KLHL13: variants seen among roughly 807,000 people sequenced by gnomAD.
KLHL13 encodes kelch like family member 13, also known as kelch-like protein 13.
Under a neutral mutation model 37.1 loss-of-function variants are expected in KLHL13, and 10 were observed. The ratio of observed to expected loss-of-function variants is 0.27; its 90% confidence interval spans 0.17 to 0.46. KLHL13 has a LOEUF of 0.46. KLHL13 is among the 20% of genes least tolerant of loss of function. The pLI, the probability that KLHL13 is intolerant of heterozygous loss-of-function variation, is 1.00. For missense variants in KLHL13, 360 were observed against 509.3 expected (o/e 0.71, Z 2.82); for synonymous variants, 163 against 181.2 (o/e 0.90, Z 0.81).
At chrX:118,074,391 C>G (rs1479214159) in intron 1 of KLHL13, among the ~76,000 whole-genome samples, 1 of 111,728 alleles carries the variant, frequency 9.0e-6, no homozygotes, top group East Asian at 2.8e-4. Context: ...TTGGCCTCAT[C>G]CTGCTGTGGG....
chrX:118,114,452 C>T (rs778259611), intron 1 of KLHL13, among the ~76,000 whole-genome samples: 11 of 112,224 alleles, frequency 9.8e-5, no homozygotes, highest in African/African-American at 2.9e-4. Flanking sequence ...AATAGTCTTA[C>T]TATGCAATCA....
At chrX:117,927,092 C>T (rs1192515023) in intron 2 of KLHL13, among the ~76,000 whole-genome samples, 4 of 107,609 alleles carry the variant, frequency 3.7e-5, no homozygotes, top group Non-Finnish European at 5.8e-5. Flanking sequence ...TTAGTAAAGA[C>T]GGGGTTTCAC....
intron 1 of KLHL13, among the ~76,000 whole-genome samples, chrX:117,964,776 G>C (rs766303329): frequency 3.6e-5 from 4 of 110,136 alleles, no homozygotes; most frequent in Non-Finnish European, 5.7e-5. Flanking sequence ...TGTGATGTTC[G>C]CCTTCCTGTG....
chrX:117,940,603 T>C (rs1054214073), intron 2 of KLHL13, among the ~76,000 whole-genome samples: 14 of 111,808 alleles, frequency 1.3e-4, no homozygotes, highest in African/African-American at 3.6e-4. Context: ...TTTGTTTGTG[T>C]CCTCTCTTAT....
At chrX:117,910,127 T>C in intron 4 of KLHL13, 31 bp from the exon 6 acceptor site, 1 of 1,041,292 alleles carries the variant, frequency 9.6e-7, no homozygotes. Flanking sequence ...AATTAAAACA[T>C]GACTACTTTC....
At chrX:117,952,402 T>C (rs1486746989) in intron 1 of KLHL13, among the ~76,000 whole-genome samples, 1 of 109,292 alleles carries the variant, frequency 9.1e-6, no homozygotes, top group East Asian at 2.9e-4. Context: ...CAAAAATTAA[T>C]TCAAGATGGA....
chrX:118,069,148 C>CA lies in KLHL13; in HGVS notation c.-56+47359_-56+47360insT, dbSNP rs1298587418. Among the ~76,000 whole-genome samples the CA allele has an allele frequency of 1.3e-3, 141 of 108,610 alleles. 1 individual carries two copies. Among genetic ancestry groups the CA allele is most frequent in the African/African-American group, 4.6e-3 (136 of 29,636 alleles). The allele number at this position is 108,610 out of a possible 115,157, so 94.3% of individuals were successfully genotyped here. On this transcript the variant is annotated intron_variant, in intron 1 of 6. Transcript: ENST00000371882. ...ACACACACACACACACACACACACA[C>CA]CCTCACCTGAACTGAAACTGAAAAT... is the stretch of plus-strand genomic sequence containing the variant.
At chrX:117,987,692 C>CT (rs1462970944) in intron 1 of KLHL13, among the ~76,000 whole-genome samples, 4 of 111,974 alleles carry the variant, frequency 3.6e-5, no homozygotes, top group African/African-American at 1.3e-4. Context: ...CCATCTTAGT[C>CT]AACTGTTTTA....
intron 1 of KLHL13, among the ~76,000 whole-genome samples, chrX:118,068,075 T>C (rs1447907494): frequency 9.0e-6 from 1 of 111,695 alleles, no homozygotes; most frequent in East Asian, 2.8e-4. Context: ...CTGACTTCAC[T>C]AGGCAATAGG....
intron 4 of KLHL13, among the ~76,000 whole-genome samples, chrX:117,911,594 C>T (rs1602537927): frequency 8.9e-6 from 1 of 111,754 alleles, no homozygotes; most frequent in South Asian, 3.8e-4. Context: ...GTTCCCCTCC[C>T]TGTGCCCATG....
At chrX:117,924,126 C>T (rs751691102) in intron 2 of KLHL13, among the ~76,000 whole-genome samples, 91 of 111,821 alleles carry the variant, frequency 8.1e-4, no homozygotes, top group African/African-American at 2.8e-3. Flanking sequence ...TTTTATTCTA[C>T]GTTATGTCTA....
chrX:118,025,694 C>T (rs1452057919), intron 1 of KLHL13, among the ~76,000 whole-genome samples: 1 of 111,870 alleles, frequency 8.9e-6, no homozygotes, highest in African/African-American at 3.2e-5. Flanking sequence ...GTTTTAACTA[C>T]ATAAGAAACC....
At chrX:117,906,747 C>T (rs1930568834) in intron 5 of KLHL13, among the ~76,000 whole-genome samples, 1 of 111,211 alleles carries the variant, frequency 9.0e-6, no homozygotes, top group Non-Finnish European at 1.9e-5. Flanking sequence ...CAATCATTTT[C>T]TACAAAAGTT....
rs989914441 is a variant in KLHL13 at position 118,035,381 on chromosome X, A to G, written c.-56+81127T>C. Among the ~76,000 whole-genome samples, 4 of 108,187 alleles carry G rather than the reference A, an allele frequency of 3.7e-5. No homozygotes were observed. In the East Asian group the frequency reaches 1.1e-3, roughly 30 times the overall value. The allele number at this position is 108,187 out of a possible 115,157, so 93.9% of individuals were successfully genotyped here. ...AAACCAAACCCAGCAGCACATCAAA[A>G]AGCTTATCCACCATGATCAAAGGGG... On this transcript the variant is annotated intron_variant, in intron 1 of 6. Transcript: ENST00000371882.
intron 1 of KLHL13, among the ~76,000 whole-genome samples, chrX:118,053,675 A>C (rs1254932010): frequency 2.7e-5 from 3 of 109,905 alleles, no homozygotes; most frequent in Non-Finnish European, 5.7e-5. Context: ...AACAAAGGTG[A>C]GCAATCCTGT....
intron 1 of KLHL13, among the ~76,000 whole-genome samples, chrX:118,052,516 C>T (rs201887442): frequency 2.6e-4 from 25 of 94,878 alleles, no homozygotes; most frequent in East Asian, 9.7e-4. Context: ...AGCAAGACTC[C>T]GTCTCAAAAA....
Position 118,002,808 on chromosome X carries a change from T to C in KLHL13, c.-55-57233A>G, listed in dbSNP as rs151035814. 8.6e-3 allele frequency among the ~76,000 whole-genome samples: 952 copies of C among 110,907 alleles called. 17 individuals are homozygous for C. The highest frequency in any genetic ancestry group is 0.029 in the African/African-American group (877 of 30,541). Reference sequence around the variant, plus strand: ...CCTCACATGTATTTCAAAATATAAATAATTCTAAATTATGAATTAAGTGTA... The same window carrying C: ...CCTCACATGTATTTCAAAATATAAACAATTCTAAATTATGAATTAAGTGTA... On this transcript the variant is annotated intron_variant, in intron 1 of 6. Coordinates refer to the KLHL13 transcript ENST00000371882.
chrX:118,105,272 T>G (rs2055334135), intron 1 of KLHL13, among the ~76,000 whole-genome samples: 1 of 112,630 alleles, frequency 8.9e-6, no homozygotes, highest in Admixed American at 9.4e-5. Context: ...TTTTTAGATA[T>G]CATGCTCTGT....
intron 1 of KLHL13, among the ~76,000 whole-genome samples, chrX:118,091,877 T>G (rs1237043849): frequency 9.0e-6 from 1 of 111,672 alleles, no homozygotes; most frequent in East Asian, 2.8e-4. Context: ...TGGAATGAAA[T>G]AATGGCATTC....
Sources: gnomAD v4.1 joint callset for allele counts (sites outside exome capture counted in the v4.1 genomes callset) on GRCh38, gnomAD v4.1.1 for gene constraint, MANE v1.5 for transcripts, NCBI Gene and HGNC (gene_info 2026-07-23, HGNC 2026-07-21) for gene names.